Variants in CACHD1 observed in about 807,000 individuals in gnomAD.
The protein encoded by CACHD1 is cache domain containing 1.
Under a neutral mutation model 138.7 loss-of-function variants are expected in CACHD1, and 71 were observed. The observed-to-expected ratio is 0.51, with a 90% CI of 0.42 to 0.62. The LOEUF is 0.62. Ranked by LOEUF, CACHD1 falls within the 20% of genes least tolerant of loss-of-function variation. The probability of loss-of-function intolerance (pLI) is 0.00; values close to 1 mark genes in which losing one functional copy is unlikely to be tolerated. For synonymous variants in CACHD1, 578 were observed against 591.5 expected, an observed-to-expected ratio of 0.98 and a Z score of 0.33; for missense variants, 1,389 against 1,625.3, an observed-to-expected ratio of 0.85 and a Z score of 2.50.
intron 1 of CACHD1, among the ~76,000 whole-genome samples, chr1:64,531,226 T>G (rs1646582738): frequency 6.6e-6 from 1 of 152,350 alleles, no homozygotes; most frequent in South Asian, 2.1e-4. Context: ...GTCTGTAAGT[T>G]GGACAGTTTC....
In CACHD1 at chr1:64,480,881, T is replaced by G. The variant is rs913465976; in HGVS notation, c.198+9939T>G. On this transcript the variant is annotated intron_variant, in intron 1 of 26. Transcript: ENST00000651257. ...ATATGAAGTTGTTTCTTTCTCTCTC[T>G]CTCCCTTTTTTTTTTTTTGGGTGAA... Among the ~76,000 whole-genome samples the G allele has an allele frequency of 3.3e-5, 5 of 151,038 alleles. No homozygotes were observed. In the East Asian group the frequency reaches 9.7e-4, roughly 29 times the overall value.
At chr1:64,620,131 T>A (rs983768416) in intron 4 of CACHD1, among the ~76,000 whole-genome samples, 1 of 152,110 alleles carries the variant, frequency 6.6e-6, no homozygotes, top group East Asian at 1.9e-4. Flanking sequence ...CCATATCTTA[T>A]CAGTTTTTTC....
intron 24 of CACHD1, among the ~76,000 whole-genome samples, chr1:64,680,351 G>A (rs980216915): frequency 6.6e-5 from 10 of 152,006 alleles, no homozygotes; most frequent in African/African-American, 1.9e-4. Flanking sequence ...TAGCCGGTGC[G>A]GTGGCACCTA....
chr1:64,684,107 G>A (rs1003601628), intron 26 of CACHD1, among the ~76,000 whole-genome samples: 1 of 152,180 alleles, frequency 6.6e-6, no homozygotes, highest in Non-Finnish European at 1.5e-5. Context: ...TGATGATCCT[G>A]ACCCTGTGTA....
At chr1:64,550,290 G>C (rs1646748900) in intron 1 of CACHD1, among the ~76,000 whole-genome samples, 1 of 151,994 alleles carries the variant, frequency 6.6e-6, no homozygotes, top group African/African-American at 2.4e-5. Context: ...AACACAACTT[G>C]GTCAGATTAT....
chr1:64,590,401 T>C (rs1008708462), intron 3 of CACHD1, among the ~76,000 whole-genome samples: 1 of 152,122 alleles, frequency 6.6e-6, no homozygotes, highest in Non-Finnish European at 1.5e-5. Flanking sequence ...TGAGTAATTC[T>C]TTTTTCCCTG....
At chr1:64,633,946 C>T (rs1458665878) in intron 6 of CACHD1, 98 bp from the exon 7 acceptor site, 1 of 797,772 alleles carries the variant, frequency 1.3e-6, no homozygotes, top group Non-Finnish European at 2.0e-6. Context: ...GTTCTGTAGG[C>T]CTTCTTACTC....
intron 1 of CACHD1, among the ~76,000 whole-genome samples, chr1:64,532,083 A>G (rs189039566): frequency 9.1e-4 from 139 of 152,348 alleles, no homozygotes; most frequent in Admixed American, 2.9e-3. Context: ...CCCCCAATGC[A>G]TAAAGATCAG....
At chr1:64,683,964 A>G (rs1466143824) in intron 26 of CACHD1, among the ~76,000 whole-genome samples, 1 of 152,024 alleles carries the variant, frequency 6.6e-6, no homozygotes, top group Non-Finnish European at 1.5e-5. Flanking sequence ...TGTATGCTCT[A>G]CTCTCCTATT....
rs1646460646 is a variant in CACHD1, at chr1:64,516,494, GTTTACTCA to G, written c.199-34095_199-34088del. On this transcript the variant is annotated intron_variant, in intron 1 of 26. Coordinates refer to ENST00000651257, the MANE Select transcript of CACHD1 (RefSeq NM_020925.4). ...GGCACACGCTAGGTACTTAGTAAATGTTTACTCATTTATGAGATTCTGTCAGTGAGGCT... is the reference window on the plus strand; with the variant it reads ...GGCACACGCTAGGTACTTAGTAAATGTTTATGAGATTCTGTCAGTGAGGCT... 9.2e-5 allele frequency among the ~76,000 whole-genome samples: 14 copies of G among 152,256 alleles called. No individual in the cohort carries two copies. In the South Asian group the frequency reaches 2.9e-3, roughly 32 times the overall value.
Position 64,480,355 on chromosome 1 carries a change from A to G in CACHD1, c.198+9413A>G, listed in dbSNP as rs370514975. 1.7e-4 allele frequency among the ~76,000 whole-genome samples: 26 copies of G among 152,198 alleles called. No homozygotes were observed. In the South Asian group the frequency reaches 5.2e-3, roughly 30 times the overall value. On this transcript the variant is annotated intron_variant, in intron 1 of 26. Coordinates refer to ENST00000651257, the MANE Select transcript of CACHD1 (RefSeq NM_020925.4). ...CTTGTTTTTTGACCCTTTTCGTGAT[A>G]TTATACTGTGGGGGCCCCTTTTTTT...
rs1002046547 is a variant in CACHD1, at chr1:64,675,836, C to T, written c.2889-61C>T. On this transcript the variant is annotated intron_variant, in intron 20 of 26. Transcript: ENST00000651257. The stretch of plus-strand genomic sequence containing the variant: ...GCTTCATTATTTTGCTTCCCCAGCA[C>T]ATGTACAACTTACAGTTTGCCATTG... 4.5e-6 allele frequency: 5 copies of T among 1,114,820 alleles called. No homozygotes were observed. In the South Asian group the frequency reaches 7.8e-5, roughly 17 times the overall value. The allele number at this position is 1,114,820 out of a possible 1,614,324, so 69.1% of individuals were successfully genotyped here.
At chr1:64,529,513 C>G (rs1391289845) in intron 1 of CACHD1, among the ~76,000 whole-genome samples, 2 of 152,194 alleles carry the variant, frequency 1.3e-5, no homozygotes, top group African/African-American at 4.8e-5. Context: ...TTCTTCTAGT[C>G]TTCCAGTTCT....
intron 23 of CACHD1, among the ~76,000 whole-genome samples, chr1:64,678,879 GA>G (rs934483927): frequency 6.6e-6 from 1 of 152,084 alleles, no homozygotes; most frequent in African/African-American, 2.4e-5. Context: ...GCTTACCTGA[GA>G]TTTTTTTTTT....
At chr1:64,652,573 G>A (rs1371389219) in intron 10 of CACHD1, among the ~76,000 whole-genome samples, 4 of 152,118 alleles carry the variant, frequency 2.6e-5, no homozygotes, top group African/African-American at 7.2e-5. Flanking sequence ...CACATAGAAT[G>A]TCATCCTTTG....
At chr1:64,590,854 T>C (rs891976727) in intron 3 of CACHD1, among the ~76,000 whole-genome samples, 3 of 151,944 alleles carry the variant, frequency 2.0e-5, no homozygotes, top group African/African-American at 7.3e-5. Flanking sequence ...GTACAAAGAG[T>C]GGATGGGCCT....
intron 2 of CACHD1, among the ~76,000 whole-genome samples, chr1:64,556,336 A>G (rs1177645198): frequency 2.0e-5 from 3 of 152,360 alleles, no homozygotes; most frequent in African/African-American, 7.2e-5. Context: ...TATTCAAAGC[A>G]GATTATTGAC....
At chr1:64,513,315 C>T (rs1176013355) in intron 1 of CACHD1, among the ~76,000 whole-genome samples, 2 of 152,134 alleles carry the variant, frequency 1.3e-5, no homozygotes, top group Admixed American at 1.3e-4. Flanking sequence ...TCAAGTGTCC[C>T]CTGGGGGGCT....
chr1:64,563,539 A>G (rs1484233005), intron 2 of CACHD1: 3 of 152,218 alleles, frequency 2.0e-5, no homozygotes, highest in African/African-American at 7.2e-5. Context: ...CATGTGGCCT[A>G]CAAACACAGA....
Sources: gnomAD v4.1 joint callset for allele counts (sites outside exome capture counted in the v4.1 genomes callset) on GRCh38, gnomAD v4.1.1 for gene constraint, MANE v1.5 for transcripts, NCBI Gene and HGNC (gene_info 2026-07-23, HGNC 2026-07-21) for gene names.